Variants in MBD5 observed in about 807,000 individuals in gnomAD.
The protein encoded by MBD5 is methyl-CpG binding domain protein 5, also known as methyl-CpG-binding domain protein 5.
Under a neutral mutation model 117.3 loss-of-function variants are expected in MBD5, and 13 were observed. The ratio of observed to expected loss-of-function variants is 0.11; its 90% confidence interval spans 0.07 to 0.18. The LOEUF (loss-of-function observed/expected upper bound fraction) is 0.18. Ranked by LOEUF, MBD5 falls within the 10% of genes least tolerant of loss-of-function variation. The pLI, the probability that MBD5 is intolerant of heterozygous loss-of-function variation, is 1.00. For synonymous variants in MBD5, 727 were observed against 766.4 expected (o/e 0.95, Z 0.85); for missense variants, 1,879 against 2,093.8 (o/e 0.90, Z 2.00).
chr2:148,396,249 C>T (rs764539465), intron 4 of MBD5, among the ~76,000 whole-genome samples: 1 of 152,188 alleles, frequency 6.6e-6, no homozygotes, highest in Non-Finnish European at 1.5e-5. Context: ...ATGGAGACCT[C>T]CTTACTTGCC....
At chr2:148,107,309 CT>C (rs1696395734) in intron 1 of MBD5, among the ~76,000 whole-genome samples, 2 of 151,946 alleles carry the variant, frequency 1.3e-5, no homozygotes, top group African/African-American at 4.8e-5. Flanking sequence ...AGATCTTTTA[CT>C]TTTCCTTGAT....
At chr2:148,371,753 G>A (rs375927594) in intron 4 of MBD5, among the ~76,000 whole-genome samples, 2 of 152,042 alleles carry the variant, frequency 1.3e-5, no homozygotes, top group East Asian at 3.8e-4. Context: ...TAACTTGTAG[G>A]ATTTCAAAGT....
chr2:148,483,199 A>G lies in MBD5; in HGVS notation c.2608A>G (p.Ile870Val), dbSNP rs763264395. The part of the protein sequence containing the change: ...KTTSVLQDGV[I>V]VTTAAGNPLQ... ...AACATCTGTTCTTCAAGATGGCGTC[A>G]TAGTCACCACTGCAGCTGGAAACCC... Residue 870 changes from isoleucine (I) to valine (V), a missense_variant, in exon 9 of 14, where the codon ATA (isoleucine) becomes GTA (valine). Ile to Val is a conservative substitution (Grantham distance 29). Coordinates refer to ENST00000642680, the MANE Select transcript of MBD5 (RefSeq NM_001378120.1). 3 of 1,613,892 alleles carry G rather than the reference A, an allele frequency of 1.9e-6. No homozygotes were observed. Among genetic ancestry groups the G allele is most frequent in the Non-Finnish European group, 2.5e-6 (3 of 1,179,986 alleles).
At chr2:148,421,170 C>A (rs549294082) in intron 4 of MBD5, among the ~76,000 whole-genome samples, 38 of 152,304 alleles carry the variant, frequency 2.5e-4, no homozygotes, top group African/African-American at 9.1e-4. Context: ...GTCTGCAGCT[C>A]CCAGCAAGAT....
At chr2:148,094,849 TCTG>T (rs1456200862) in intron 1 of MBD5, among the ~76,000 whole-genome samples, 1 of 152,146 alleles carries the variant, frequency 6.6e-6, no homozygotes, top group Non-Finnish European at 1.5e-5. Context: ...AGGTATAGAA[TCTG>T]CTGCTCAGAG....
chr2:148,382,682 CAA>C (rs1340409429), intron 4 of MBD5, among the ~76,000 whole-genome samples: 2 of 152,110 alleles, frequency 1.3e-5, no homozygotes, highest in Non-Finnish European at 2.9e-5. Flanking sequence ...ACACCTATTC[CAA>C]AACTGACCAC....
At chr2:148,291,020 G>A (rs1406288404) in intron 3 of MBD5, among the ~76,000 whole-genome samples, 3 of 152,104 alleles carry the variant, frequency 2.0e-5, no homozygotes, top group Admixed American at 2.0e-4. Context: ...GTCAATACAT[G>A]CTTTATTTAT....
chr2:148,478,475 T>G (rs1681042301), intron 8 of MBD5, among the ~76,000 whole-genome samples: 1 of 152,088 alleles, frequency 6.6e-6, no homozygotes. Context: ...GGAGAATCAC[T>G]TGAACCCAGG....
intron 1 of MBD5, among the ~76,000 whole-genome samples, chr2:148,132,123 A>G (rs543816642): frequency 7.2e-5 from 11 of 152,270 alleles, no homozygotes; most frequent in African/African-American, 2.2e-4. Context: ...TAGATCTATT[A>G]CAAGGCTTAA....
chr2:148,166,722 C>CTG (rs143131312), intron 1 of MBD5, among the ~76,000 whole-genome samples: 21 of 151,916 alleles, frequency 1.4e-4, no homozygotes, highest in Non-Finnish European at 8.8e-5. Context: ...GCTATGTTTT[C>CTG]TGTGTGTGTG....
chr2:148,074,324 T>C (rs527940792), intron 1 of MBD5, among the ~76,000 whole-genome samples: 1 of 152,310 alleles, frequency 6.6e-6, no homozygotes, highest in African/African-American at 2.4e-5. Flanking sequence ...AACTCTATCA[T>C]ATTTAGCTTG....
chr2:148,026,427 A>G (rs1380330821), intron 1 of MBD5: 1 of 152,198 alleles, frequency 6.6e-6, no homozygotes, highest in African/African-American at 2.4e-5. Flanking sequence ...CCATTGTACA[A>G]TTTAAAATAT....
intron 1 of MBD5, among the ~76,000 whole-genome samples, chr2:148,167,073 G>A (rs1358805858): frequency 6.6e-6 from 1 of 152,004 alleles, no homozygotes; most frequent in Non-Finnish European, 1.5e-5. Context: ...TTTATATAAA[G>A]TCTTATAACA....
chr2:148,264,298 CGAA>C (rs57683670), intron 3 of MBD5: 43 of 147,646 alleles, frequency 2.9e-4, no homozygotes, highest in Admixed American at 5.5e-4. Context: ...GAGACCTCGT[CGAA>C]GAAGAAGAAG....
chr2:148,109,985 C>G lies in MBD5; in HGVS notation c.-924-68715C>G, dbSNP rs143614829. The stretch of plus-strand genomic sequence containing the variant: ...TATCCCCCGATGACCACATCATATT[C>G]TATTTCTTAAAGTACTAAAGTTAAT... On this transcript the variant is annotated intron_variant, in intron 1 of 13. Transcript: ENST00000642680. Among the ~76,000 whole-genome samples the G allele has an allele frequency of 7.2e-3, 1,098 of 152,194 alleles. 12 individuals are homozygous for G. The highest frequency in any genetic ancestry group is 0.025 in the African/African-American group (1,026 of 41,550).
chr2:148,362,924 C>G (rs1703584070), intron 4 of MBD5, among the ~76,000 whole-genome samples: 1 of 152,144 alleles, frequency 6.6e-6, no homozygotes, highest in Admixed American at 6.5e-5. Context: ...AACTAGCAAA[C>G]AGAAAGGAAT....
At chr2:148,510,401 A>T (rs1477236883) in intron 13 of MBD5, among the ~76,000 whole-genome samples, 1 of 152,262 alleles carries the variant, frequency 6.6e-6, no homozygotes, top group East Asian at 1.9e-4. Context: ...AAAATATTGA[A>T]GTTCAAACCA....
At chr2:148,397,400 G>A (rs543237647) in intron 4 of MBD5, among the ~76,000 whole-genome samples, 2 of 147,428 alleles carry the variant, frequency 1.4e-5, no homozygotes, top group South Asian at 4.3e-4. Flanking sequence ...CACGATCTCG[G>A]CTCACTGCAA....
intron 4 of MBD5, among the ~76,000 whole-genome samples, chr2:148,395,692 A>C (rs1214122824): frequency 1.3e-5 from 2 of 152,056 alleles, no homozygotes; most frequent in African/African-American, 4.8e-5. Context: ...CTCAAAGTGC[A>C]GGGATTAGAG....
Sources: allele counts gnomAD v4.1 joint callset (sites outside exome capture counted in the v4.1 genomes callset), GRCh38; gene constraint gnomAD v4.1.1; transcripts MANE v1.5; gene names NCBI Gene and HGNC (gene_info 2026-07-23, HGNC 2026-07-21).